Variants in DLG2 observed in about 807,000 individuals in gnomAD.
DLG2 encodes the protein disks large homolog 2.
In DLG2, 45 loss-of-function variants were observed where a neutral mutation model predicts 132.5. The observed-to-expected ratio is 0.34, with a 90% CI of 0.27 to 0.44. The LOEUF is 0.44. Among genes scored for constraint, DLG2 ranks in the 20% least tolerant of loss-of-function variants. DLG2 has a pLI of 1.00. For missense variants in DLG2, 1,045 were observed against 1,196.9 expected (o/e 0.87, Z 1.87); for synonymous variants, 424 against 419.6 (o/e 1.01, Z -0.13).
chr11:84,580,071 G>A (rs954829038), intron 6 of DLG2, among the ~76,000 whole-genome samples: 4 of 152,166 alleles, frequency 2.6e-5, no homozygotes, highest in African/African-American at 9.7e-5. Context: ...CTTGTTGGCA[G>A]ACTTCTAGAA....
In DLG2 at chr11:83,906,260, C is replaced by CACACACAG. The variant is rs1352579063; in HGVS notation, c.1496+24067_1496+24068insCTGTGTGT. ...TCTCTCTCTCTCTCTCTCTCTCTCACACACACACACACACACACACACACA... is the reference window on the plus strand; with the variant it reads ...TCTCTCTCTCTCTCTCTCTCTCTCACACACACAGACACACACACACACACACACACACA... On this transcript the variant is annotated intron_variant, in intron 15 of 27. Transcript: ENST00000376104. Among the ~76,000 whole-genome samples, 56 of 6,360 alleles carry CACACACAG rather than the reference C, an allele frequency of 8.8e-3. 3 individuals carry two copies. Among genetic ancestry groups the CACACACAG allele is most frequent in the East Asian group, 0.012 (2 of 168 alleles). 4.2% of individuals were successfully genotyped at this position (6,360 alleles called of 152,430 possible).
intron 6 of DLG2, among the ~76,000 whole-genome samples, chr11:84,650,073 A>G (rs557494510): frequency 9.8e-5 from 15 of 152,340 alleles, no homozygotes; most frequent in Middle Eastern, 3.4e-3. Flanking sequence ...GTACTCTAGT[A>G]GCCTCTATTC....
chr11:85,007,955 TACAAAGGTTAC>T (rs2058837725), intron 6 of DLG2, among the ~76,000 whole-genome samples: 1 of 152,150 alleles, frequency 6.6e-6, no homozygotes, highest in African/African-American at 2.4e-5. Context: ...ATTTGGATTT[TACAAAGGTTAC>T]ACATTGTGTG....
intron 4 of DLG2, among the ~76,000 whole-genome samples, chr11:85,225,350 G>A (rs768018029): frequency 2.0e-5 from 3 of 151,950 alleles, no homozygotes; most frequent in Non-Finnish European, 4.4e-5. Flanking sequence ...TCATCTCTCC[G>A]CAGATGACCT....
At chr11:85,383,830 A>G (rs2063272915) in intron 3 of DLG2, among the ~76,000 whole-genome samples, 1 of 152,110 alleles carries the variant, frequency 6.6e-6, no homozygotes, top group South Asian at 2.1e-4. Flanking sequence ...TAACTTCCCT[A>G]TAGGCTTCCC....
At chr11:84,963,609 T>C (rs1436351941) in intron 6 of DLG2, among the ~76,000 whole-genome samples, 1 of 152,218 alleles carries the variant, frequency 6.6e-6, no homozygotes, top group African/African-American at 2.4e-5. Context: ...AGGATGGCTA[T>C]AGTTAACAGC....
chr11:83,907,501 C>G (rs892525284), intron 15 of DLG2, among the ~76,000 whole-genome samples: 2 of 152,198 alleles, frequency 1.3e-5, no homozygotes, highest in East Asian at 1.9e-4. Flanking sequence ...GATACCCTCT[C>G]TAAGCTTCAC....
At chr11:85,505,768 TG>T (rs2093916592) in intron 3 of DLG2, among the ~76,000 whole-genome samples, 1 of 152,208 alleles carries the variant, frequency 6.6e-6, no homozygotes, top group South Asian at 2.1e-4. Context: ...CTTTTTCAAT[TG>T]ATTGGAATAG....
intron 21 of DLG2, among the ~76,000 whole-genome samples, chr11:83,520,965 T>G (rs2095464802): frequency 6.6e-6 from 1 of 152,220 alleles, no homozygotes; most frequent in South Asian, 2.1e-4. Flanking sequence ...ATAGATCATG[T>G]ATCGAGACTG....
Position 85,582,660 on chromosome 11 carries a change from C to CAAAAAAAAA in DLG2, c.40+15988_40+15996dup. Among the ~76,000 whole-genome samples, 160 of 27,142 alleles carry CAAAAAAAAA rather than the reference C, an allele frequency of 5.9e-3. 38 individuals carry two copies. The highest frequency in any genetic ancestry group is 0.011 in the South Asian group (4 of 364). The allele number at this position is 27,142 out of a possible 152,430, so 17.8% of individuals were successfully genotyped here. Reference sequence around the variant, plus strand: ...GCAACATGGTGAAACCCCATCTCTACAAAAAAAAAAAAAAAAAAAAAAAAA... The same window carrying CAAAAAAAAA: ...GCAACATGGTGAAACCCCATCTCTACAAAAAAAAAAAAAAAAAAAAAAAAAAAAAAAAAA... On this transcript the variant is annotated intron_variant, in intron 3 of 27. Coordinates refer to ENST00000376104, the MANE Select transcript of DLG2 (RefSeq NM_001142699.3).
At position 83,541,722 on chromosome 11, in the gene DLG2, C is replaced by T; in HGVS notation, c.2077G>A (p.Gly693Arg). The T allele has an allele frequency of 1.9e-6, 3 of 1,612,198 alleles. No homozygotes were observed. Among genetic ancestry groups the T allele is most frequent in the Non-Finnish European group, 2.5e-6 (3 of 1,179,022 alleles). Residue 693 changes from glycine to arginine, a missense_variant, in exon 20 of 28, where the codon GGA becomes AGA. Coordinates refer to ENST00000376104, the MANE Select transcript of DLG2 (RefSeq NM_001142699.3). Reference sequence around the variant, plus strand: ...ATGACCCCCATCTCCTCACTGTCTCCCTCCAGCATGACTCTCCTGGCTTGC... The same window carrying T: ...ATGACCCCCATCTCCTCACTGTCTCTCTCCAGCATGACTCTCCTGGCTTGC... ...WWQARRVMLE[G>R]DSEEMGVIPS...
intron 7 of DLG2, among the ~76,000 whole-genome samples, chr11:84,476,595 A>G (rs78488550): frequency 0.012 from 1,795 of 152,322 alleles, 31 homozygotes; most frequent in African/African-American, 0.033. Flanking sequence ...AAGAAAAAAT[A>G]AAGCAAGAGT....
intron 9 of DLG2, among the ~76,000 whole-genome samples, chr11:84,140,348 C>T (rs963718551): frequency 5.3e-5 from 8 of 151,906 alleles, no homozygotes; most frequent in South Asian, 2.1e-4. Context: ...AAAATAGTGA[C>T]GTAATATGAA....
chr11:85,116,746 G>A (rs2073648658), intron 5 of DLG2, among the ~76,000 whole-genome samples: 1 of 151,882 alleles, frequency 6.6e-6, no homozygotes. Context: ...AGATTCCAAA[G>A]GAGGCTAGAC....
At chr11:83,902,025 T>C (rs1596178123) in intron 15 of DLG2, among the ~76,000 whole-genome samples, 1 of 132,390 alleles carries the variant, frequency 7.6e-6, no homozygotes, top group African/African-American at 3.2e-5. Flanking sequence ...TCAAGGTATT[T>C]TTTTTTCTTG....
intron 3 of DLG2, among the ~76,000 whole-genome samples, chr11:85,367,901 T>C (rs901592669): frequency 6.6e-6 from 1 of 152,340 alleles, no homozygotes; most frequent in East Asian, 1.9e-4. Flanking sequence ...CTTTTTAATG[T>C]ACTCTTGAAT....
chr11:83,814,191 A>G (rs1013269440), intron 17 of DLG2, among the ~76,000 whole-genome samples: 28 of 152,322 alleles, frequency 1.8e-4, no homozygotes, highest in African/African-American at 6.0e-4. Flanking sequence ...AAGTGCATAT[A>G]CATACAAGGC....
chr11:85,560,290 A>G (rs1248167331), intron 3 of DLG2, among the ~76,000 whole-genome samples: 1 of 151,876 alleles, frequency 6.6e-6, no homozygotes, highest in African/African-American at 2.4e-5. Context: ...ACAAATGTTT[A>G]CAGCAACAGT....
intron 6 of DLG2, among the ~76,000 whole-genome samples, chr11:84,907,054 T>C (rs1007084589): frequency 2.6e-5 from 4 of 152,152 alleles, no homozygotes; most frequent in Admixed American, 2.6e-4. Context: ...GAATGAAAGC[T>C]GAATTTGTTT....
Sources: allele counts gnomAD v4.1 joint callset (sites outside exome capture counted in the v4.1 genomes callset), GRCh38; gene constraint gnomAD v4.1.1; transcripts MANE v1.5; gene names NCBI Gene and HGNC (gene_info 2026-07-23, HGNC 2026-07-21).